Variants in NDRG2 observed in about 807,000 individuals in gnomAD.
NDRG2 encodes the protein NDRG family member 2, also known as protein NDRG2.
Under a neutral mutation model 58.2 loss-of-function variants are expected in NDRG2, and 34 were observed. That is an observed-to-expected ratio of 0.58 (90% CI 0.44 to 0.78). The LOEUF is 0.78. Among genes scored for constraint, NDRG2 ranks in the 30% least tolerant of loss-of-function variants. NDRG2 has a pLI of 0.00. For synonymous variants in NDRG2, 187 were observed against 175.9 expected (o/e 1.06, Z -0.50); for missense variants, 434 against 471.2 (o/e 0.92, Z 0.73).
chr14:21,025,441 G>C, upstream of NDRG2: 1 of 985,636 alleles, frequency 1.0e-6, no homozygotes, highest in Non-Finnish European at 1.2e-6. The surrounding 1 kb of genome is among the most constrained non-coding windows in gnomAD (Gnocchi z 5.1). Context: ...CCCAGACTCA[G>C]TGGTGGGAAC....
intron 1 of NDRG2, among the ~76,000 whole-genome samples, chr14:21,038,534 C>T (rs983862306): frequency 6.6e-6 from 1 of 152,080 alleles, no homozygotes; most frequent in African/African-American, 2.4e-5. Context: ...AAATGGATCT[C>T]ATGGTGAAGT....
intron 1 of NDRG2, among the ~76,000 whole-genome samples, chr14:21,050,766 G>T (rs941182079): frequency 6.6e-6 from 1 of 152,130 alleles, no homozygotes; most frequent in Non-Finnish European, 1.5e-5. Flanking sequence ...CTGTACTGTG[G>T]TTATGCACAC....
upstream of NDRG2, among the ~76,000 whole-genome samples, chr14:21,026,881 C>G (rs560605685): frequency 6.6e-6 from 1 of 152,260 alleles, no homozygotes; most frequent in South Asian, 2.1e-4. Context: ...GGGTCACAGC[C>G]AAAGGTGCGC....
chr14:21,023,124 A>G (rs35333450), intron 2 of NDRG2, 117 bp downstream of exon 2: 25,461 of 936,784 alleles, frequency 0.027, 490 homozygotes, highest in Non-Finnish European at 0.036. Flanking sequence ...AGACTAGGGT[A>G]GTGGTGAAGC....
At chr14:21,035,822 G>A (rs1302480735) in intron 1 of NDRG2, 3 of 456,128 alleles carry the variant, frequency 6.6e-6, no homozygotes, top group Non-Finnish European at 8.8e-6. Flanking sequence ...CAAGAAACCT[G>A]AAAGTGATCC....
upstream of NDRG2, among the ~76,000 whole-genome samples, chr14:21,026,930 G>A (rs1166584222): frequency 6.6e-6 from 1 of 151,756 alleles, no homozygotes; most frequent in East Asian, 1.9e-4. Flanking sequence ...AGGAACCTGG[G>A]GAGAGGGAGA....
At chr14:21,030,697 T>C (rs528904991), upstream of NDRG2, 112 of 1,614,184 alleles carry the variant, frequency 6.9e-5, 1 homozygote, top group South Asian at 1.2e-3. Context: ...GACTGTGGCA[T>C]CATGGATGGC....
At chr14:21,052,347 C>T (rs188318405) in intron 1 of NDRG2, among the ~76,000 whole-genome samples, 1 of 152,222 alleles carries the variant, frequency 6.6e-6, no homozygotes, top group East Asian at 1.9e-4. Context: ...AGGTAGTACA[C>T]GATTTAGAAC....
At chr14:21,045,604 T>C (rs986879172) in intron 1 of NDRG2, among the ~76,000 whole-genome samples, 6 of 152,258 alleles carry the variant, frequency 3.9e-5, no homozygotes, top group African/African-American at 1.4e-4. Flanking sequence ...CTATCTTCTT[T>C]ATTGATGATC....
intron 1 of NDRG2, among the ~76,000 whole-genome samples, chr14:21,065,773 A>G (rs1886230776): frequency 6.6e-6 from 1 of 152,224 alleles, no homozygotes; most frequent in Non-Finnish European, 1.5e-5. Context: ...CAAATTAAGC[A>G]TCTTTAGGAA....
chr14:21,017,938 C>A, intron 15 of NDRG2, 49 bp downstream of exon 15: 1 of 1,613,930 alleles, frequency 6.2e-7, no homozygotes, highest in Non-Finnish European at 8.5e-7. Context: ...TCCACCCCGT[C>A]AGTGCCTATC....
At chr14:21,021,243 CAG>C (rs1880110776) in intron 6 of NDRG2, 1 of 382,562 alleles carries the variant, frequency 2.6e-6, no homozygotes, top group Non-Finnish European at 5.1e-6. Context: ...AATGTGAAAA[CAG>C]ACACAATTTT....
chr14:21,046,542 AATACATACATACATAC>A (rs71112542), intron 1 of NDRG2, among the ~76,000 whole-genome samples: 27 of 109,982 alleles, frequency 2.5e-4, no homozygotes, highest in Non-Finnish European at 3.3e-4. Flanking sequence ...TCTCAAAACA[AATACATACATACATAC>A]ATACATACAT....
chr14:21,022,927 C>A (rs752326082), intron 2 of NDRG2, 22 bp from the exon 3 acceptor site: 1 of 1,613,842 alleles, frequency 6.2e-7, no homozygotes, highest in East Asian at 2.2e-5. Flanking sequence ...CACACGGATT[C>A]ACACAGAAAC....
At position 21,033,874 on chromosome 14, in the gene NDRG2, A is replaced by C. The variant is rs2277847; in HGVS notation, c.25-10553T>G. ...ATTGGATCAGCTTCATACTTGCGGG[A>C]GCAGAGTAGGTAGAGCTTCTGGTTG... On this transcript the variant is annotated intron_variant, in intron 1 of 14. Transcript: ENST00000403829. The C allele has an allele frequency of 1.7e-5, 28 of 1,614,102 alleles. No individual in the cohort carries two copies. In the East Asian group the frequency reaches 5.8e-4, roughly 33 times the overall value.
Position 21,019,882 on chromosome 14 carries a change from C to T in NDRG2, c.612+38G>A, listed in dbSNP as rs779608794. 6 of 1,606,534 alleles carry T rather than the reference C, an allele frequency of 3.7e-6. No homozygotes were observed. In the Admixed American group the frequency reaches 1.0e-4, roughly 27 times the overall value. ...GCCCAAGCATTCAAGTTCCCTGCTG[C>T]TCCCGTCGACTCTTCTACATCTCCT... On this transcript the variant is annotated intron_variant, in intron 9 of 15. Transcript: ENST00000556147.
intron 6 of NDRG2, chr14:21,021,380 C>T: frequency 6.1e-6 from 2 of 328,070 alleles, no homozygotes; most frequent in East Asian, 1.6e-4. Context: ...CTCTGAATAC[C>T]AAAGACACTT....
intron 1 of NDRG2, among the ~76,000 whole-genome samples, chr14:21,062,107 G>A (rs1452847564): frequency 6.6e-6 from 1 of 152,136 alleles, no homozygotes; most frequent in African/African-American, 2.4e-5. Flanking sequence ...AAAGCTTAAG[G>A]AAGCTGATTT....
intron 1 of NDRG2, chr14:21,044,026 T>C (rs2139117181): frequency 5.9e-6 from 1 of 168,816 alleles, no homozygotes; most frequent in South Asian, 2.0e-4. Flanking sequence ...GCTTGTCTAA[T>C]TAGTTAGTAG....
Sources: allele counts gnomAD v4.1 joint callset (sites outside exome capture counted in the v4.1 genomes callset), GRCh38; gene constraint gnomAD v4.1.1; non-coding constraint Gnocchi (gnomAD v3.1); transcripts MANE v1.5; gene names NCBI Gene and HGNC (gene_info 2026-07-23, HGNC 2026-07-21).